Variants in CPED1 observed in about 807,000 individuals in gnomAD.
The protein encoded by CPED1 is cadherin like and PC-esterase domain containing 1.
Under a neutral mutation model 128.2 loss-of-function variants are expected in CPED1, and 114 were observed. That is an observed-to-expected ratio of 0.89 (90% CI 0.76 to 1.04). The LOEUF (loss-of-function observed/expected upper bound fraction) is 1.04. CPED1 is among the 50% of genes least tolerant of loss of function. The pLI, the probability that CPED1 is intolerant of heterozygous loss-of-function variation, is 0.00. For missense variants in CPED1, 1,211 were observed against 1,207.1 expected (o/e 1.00, Z -0.05); for synonymous variants, 462 against 426.7 (o/e 1.08, Z -1.02).
At chr7:121,011,888 G>T (rs1303656950) in intron 2 of CPED1, among the ~76,000 whole-genome samples, 2 of 151,974 alleles carry the variant, frequency 1.3e-5, no homozygotes, top group Admixed American at 1.3e-4. Flanking sequence ...CGAATATAAA[G>T]TTACAATATA....
chr7:121,053,595 T>C (rs568706404), intron 4 of CPED1, among the ~76,000 whole-genome samples: 1 of 152,294 alleles, frequency 6.6e-6, no homozygotes, highest in East Asian at 1.9e-4. Context: ...GAGATAATAT[T>C]TTGAGACTGT....
chr7:121,135,408 C>T (rs1049490934), intron 13 of CPED1, among the ~76,000 whole-genome samples: 8 of 152,040 alleles, frequency 5.3e-5, no homozygotes, highest in Non-Finnish European at 1.2e-4. Flanking sequence ...TTCAGATCTA[C>T]TCAGTCAGAA....
chr7:121,007,690 A>G (rs1792057526), intron 2 of CPED1, among the ~76,000 whole-genome samples: 1 of 152,200 alleles, frequency 6.6e-6, no homozygotes, highest in Non-Finnish European at 1.5e-5. Context: ...TCTTCACAAC[A>G]AATTAATTTT....
chr7:121,205,893 G>GGAT (rs1301654394), intron 16 of CPED1, among the ~76,000 whole-genome samples: 6 of 152,018 alleles, frequency 3.9e-5, no homozygotes, highest in Admixed American at 1.3e-4. Context: ...ACCCTAAACA[G>GGAT]GATGATAAAA....
rs746289914 is a variant in CPED1, at chr7:120,989,816, C to T, written c.195C>T (p.Phe65=). ...AGGCAAGCAGATGCAAGAAAGGATTCTCTCAGGACAAACAGTGCTTCCTTC... is the reference window on the plus strand; with the variant it reads ...AGGCAAGCAGATGCAAGAAAGGATTTTCTCAGGACAAACAGTGCTTCCTTC... ...ETQASRCKKG[F]SQDKQCFLLS... Residue 65 remains phenylalanine, a synonymous_variant, in exon 2 of 23, where the codon TTC becomes TTT. Transcript: ENST00000310396. 1 of 1,614,038 alleles carries T rather than the reference C, an allele frequency of 6.2e-7. No individual in the cohort carries two copies. Among genetic ancestry groups the T allele is most frequent in the Non-Finnish European group, 8.5e-7 (1 of 1,180,040 alleles).
intron 16 of CPED1, among the ~76,000 whole-genome samples, chr7:121,187,319 T>C (rs1175914851): frequency 1.3e-5 from 2 of 152,202 alleles, no homozygotes; most frequent in Non-Finnish European, 2.9e-5. Context: ...TGAGAAAGGC[T>C]GCAGTAAGAA....
chr7:121,199,744 A>C (rs901064212), intron 16 of CPED1, among the ~76,000 whole-genome samples: 5 of 151,452 alleles, frequency 3.3e-5, no homozygotes, highest in African/African-American at 1.2e-4. Context: ...TATAGAAAAA[A>C]GTTTCTATTT....
At chr7:121,107,286 TGG>T (rs1795001959) in intron 7 of CPED1, among the ~76,000 whole-genome samples, 1 of 152,124 alleles carries the variant, frequency 6.6e-6, no homozygotes, top group Non-Finnish European at 1.5e-5. Context: ...TTCATCACTG[TGG>T]TAATGTTAAA....
chr7:121,266,270 A>AT lies in CPED1; in HGVS notation c.2355dup (p.Leu786SerfsTer3). ...TCAACCAACAGAGGGATCATGTACTATCTTATTGAAAGGCTGAATGAAACG... is the reference window on the plus strand; with the variant it reads ...TCAACCAACAGAGGGATCATGTACTATTCTTATTGAAAGGCTGAATGAAACG... On this transcript the variant is annotated frameshift_variant, in exon 19 of 23. Transcript: ENST00000310396. LOFTEE classifies it high-confidence loss of function. 6.2e-7 allele frequency: 1 copy of AT among 1,613,118 alleles called. No homozygotes were observed. Among genetic ancestry groups the AT allele is most frequent in the Non-Finnish European group, 8.5e-7 (1 of 1,179,348 alleles).
chr7:120,991,908 C>T (rs920872108), intron 2 of CPED1, among the ~76,000 whole-genome samples: 3 of 152,160 alleles, frequency 2.0e-5, no homozygotes, highest in African/African-American at 7.2e-5. Flanking sequence ...CATGTCACTC[C>T]ATTTTTAACC....
chr7:121,004,944 C>A (rs985251511), intron 2 of CPED1, among the ~76,000 whole-genome samples: 1 of 152,088 alleles, frequency 6.6e-6, no homozygotes, highest in Admixed American at 6.6e-5. Context: ...TGACATCATG[C>A]CCCTATGTAT....
At chr7:120,998,386 C>T (rs1796446179) in intron 2 of CPED1, among the ~76,000 whole-genome samples, 1 of 152,084 alleles carries the variant, frequency 6.6e-6, no homozygotes, top group South Asian at 2.1e-4. Flanking sequence ...ATTTAGTTTC[C>T]TTACCTGAAT....
At chr7:121,005,257 A>T (rs950866770) in intron 2 of CPED1, among the ~76,000 whole-genome samples, 5 of 152,064 alleles carry the variant, frequency 3.3e-5, no homozygotes, top group Admixed American at 6.6e-5. Context: ...AAGGACATGA[A>T]CTCATCCTTT....
chr7:120,992,129 A>G (rs2116727432), intron 2 of CPED1, among the ~76,000 whole-genome samples: 1 of 152,290 alleles, frequency 6.6e-6, no homozygotes, highest in Non-Finnish European at 1.5e-5. Flanking sequence ...TGGGATCAAT[A>G]TATTGATCAT....
intron 5 of CPED1, among the ~76,000 whole-genome samples, chr7:121,083,271 G>T (rs145375776): frequency 6.6e-6 from 1 of 152,182 alleles, no homozygotes; most frequent in African/African-American, 2.4e-5. Context: ...TGGGATTCAT[G>T]ATGAGTCAGA....
intron 5 of CPED1, among the ~76,000 whole-genome samples, chr7:121,091,736 TAAAG>T (rs1246931701): frequency 1.3e-5 from 2 of 152,168 alleles, no homozygotes; most frequent in Non-Finnish European, 2.9e-5. Context: ...ATTTTCCAGA[TAAAG>T]AGACTGAATT....
intron 16 of CPED1, among the ~76,000 whole-genome samples, chr7:121,223,368 A>G (rs1364151726): frequency 6.6e-6 from 1 of 152,152 alleles, no homozygotes; most frequent in Non-Finnish European, 1.5e-5. Context: ...CCAGTATTTT[A>G]TCGAGGATTT....
chr7:121,261,779 CTT>C, intron 18 of CPED1: 2 of 1,523,912 alleles, frequency 1.3e-6, no homozygotes, highest in Non-Finnish European at 1.8e-6. Context: ...GAGTAATAAA[CTT>C]TAATTGGGTT....
chr7:121,023,556 A>C (rs1792495726), intron 3 of CPED1, among the ~76,000 whole-genome samples: 2 of 152,184 alleles, frequency 1.3e-5, no homozygotes, highest in African/African-American at 2.4e-5. Flanking sequence ...AACAAGACAA[A>C]AATGTGAATC....
Sources: gnomAD v4.1 joint callset for allele counts (sites outside exome capture counted in the v4.1 genomes callset) on GRCh38, gnomAD v4.1.1 for gene constraint, MANE v1.5 for transcripts, NCBI Gene and HGNC (gene_info 2026-07-23, HGNC 2026-07-21) for gene names.